MGAT4D: variants seen among roughly 807,000 people sequenced by gnomAD.
The protein encoded by MGAT4D is alpha-1,3-mannosyl-glycoprotein 4-beta-N-acetylglucosaminyltransferase-like protein MGAT4D.
MGAT4D carries 34 observed loss-of-function variants against 15.9 expected under a neutral mutation model. The observed-to-expected ratio is 2.14, with a 90% CI of 1.62 to 2.84. The LOEUF is 2.84. Ranked by LOEUF, MGAT4D falls within the 30% of genes most tolerant of loss-of-function variation. The pLI is 0.00. For synonymous variants in MGAT4D, 112 were observed against 48.2 expected (o/e 2.33, Z -5.49); for missense variants, 327 against 140.2 (o/e 2.33, Z -6.73).
rs948268625 is a variant in MGAT4D at position 140,498,140 on chromosome 4, A to T, written c.83T>A (p.Ile28Lys). 4.3e-6 allele frequency: 3 copies of T among 702,352 alleles called. No individual in the cohort carries two copies. Among genetic ancestry groups the T allele is most frequent in the East Asian group, 2.7e-5 (1 of 37,236 alleles). The allele number at this position is 702,352 out of a possible 1,614,324, so 43.5% of individuals were successfully genotyped here. ...GGCCCGCCGCTTACTGGTTTGAGTTATCCTGTAGATGGAGAAGCAAGAGAA... is the reference window on the plus strand; with the variant it reads ...GGCCCGCCGCTTACTGGTTTGAGTTTTCCTGTAGATGGAGAAGCAAGAGAA... ...FSFSCFSIYR[I>K]TQTNNQLINC... The change falls in exon 1 of 11, where the codon ATA becomes AAA. Residue 28 changes from isoleucine (I) to lysine (K), a missense_variant. By Grantham distance (102) the Ile-to-Lys change is moderately radical. Transcript: ENST00000511113.
intron 10 of MGAT4D, among the ~76,000 whole-genome samples, chr4:140,444,189 A>G (rs1729940073): frequency 6.6e-6 from 1 of 152,198 alleles, no homozygotes; most frequent in African/African-American, 2.4e-5. Context: ...GCATGACCTT[A>G]AGTAATAATT....
At chr4:140,478,878 C>T (rs1399516009) in intron 3 of MGAT4D, among the ~76,000 whole-genome samples, 1 of 151,682 alleles carries the variant, frequency 6.6e-6, no homozygotes, top group African/African-American at 2.4e-5. Context: ...CAGACATAGA[C>T]AACAAGTAAA....
chr4:140,458,387 C>T (rs1175765920), intron 8 of MGAT4D: 1 of 152,154 alleles, frequency 6.6e-6, no homozygotes, highest in Non-Finnish European at 1.5e-5. Flanking sequence ...ATCCACATGA[C>T]ATTTAACAAA....
intron 1 of MGAT4D, among the ~76,000 whole-genome samples, chr4:140,496,317 A>C (rs1270302388): frequency 6.6e-6 from 1 of 152,216 alleles, no homozygotes; most frequent in African/African-American, 2.4e-5. Context: ...AAATGAAAAA[A>C]TCTGATTTGT....
At position 140,461,969 on chromosome 4, in the gene MGAT4D, A is replaced by G. The variant is rs777685876; in HGVS notation, c.722T>C (p.Leu241Ser). The G allele has an allele frequency of 4.3e-6, 3 of 701,738 alleles. No individual in the cohort carries two copies. In the South Asian group the frequency reaches 4.5e-5, roughly 10 times the overall value. The allele number at this position is 701,738 out of a possible 1,614,324, so 43.5% of individuals were successfully genotyped here. The change falls in exon 7 of 11, where the codon TTG (leucine) becomes TCG (serine). Residue 241 changes from leucine to serine, a missense_variant. Transcript: ENST00000511113. Reference sequence around the variant, plus strand: ...GGCCTTGGGTTGGGCATACAGCAACAAAATGCAAAAATCCAATACCTGTTT... The same window carrying G: ...GGCCTTGGGTTGGGCATACAGCAACGAAATGCAAAAATCCAATACCTGTTT... ...RIKQVLDFCI[L>S]LLYAQPKAKY... is the part of the protein sequence containing the mutation.
At position 140,474,936 on chromosome 4, in the gene MGAT4D, C is replaced by T. The variant is rs1012594110; in HGVS notation, c.402G>A (p.Ala134=). ...CTCTGTTAACAGTGGAAATACCCAG[C>T]GCAAAAGAAACTGTGGACATAGGAG... ...IGKGKTGVSF[A]LGISTVNRGN... Residue 134 remains alanine (A), a synonymous_variant, in exon 4 of 11, where the codon GCG becomes GCA. Coordinates refer to ENST00000511113, the MANE Select transcript of MGAT4D (RefSeq NM_001277353.2). 3.1e-5 allele frequency: 21 copies of T among 682,380 alleles called. No individual in the cohort carries two copies. The Middle Eastern group carries it at 1.2e-3, about 38-fold the overall frequency. The allele number at this position is 682,380 out of a possible 1,614,324, so 42.3% of individuals were successfully genotyped here. A position where few individuals can be genotyped will look rare whatever the true frequency, so the allele number is the denominator to read the frequency against.
intron 1 of MGAT4D, among the ~76,000 whole-genome samples, chr4:140,493,645 A>G (rs1333763701): frequency 6.6e-6 from 1 of 152,038 alleles, no homozygotes; most frequent in Non-Finnish European, 1.5e-5. Flanking sequence ...GGATGTCCCT[A>G]TATAAGATGC....
At chr4:140,497,641 T>C (rs1733923236) in intron 1 of MGAT4D, among the ~76,000 whole-genome samples, 1 of 152,134 alleles carries the variant, frequency 6.6e-6, no homozygotes, top group Non-Finnish European at 1.5e-5. Flanking sequence ...TACCACCTCT[T>C]TTCAGGTACG....
In MGAT4D at chr4:140,470,998, C is replaced by T. The variant is rs537780495; in HGVS notation, c.572+777G>A. On this transcript the variant is annotated intron_variant, in intron 5 of 10. Transcript: ENST00000511113. The stretch of plus-strand genomic sequence containing the variant: ...CTCCCAGGCACTGGCAATCCTTCCA[C>T]TTCAGCCTCCCTAGTAGCTAGGACT... 2.6e-5 allele frequency among the ~76,000 whole-genome samples: 4 copies of T among 152,042 alleles called. No individual in the cohort carries two copies. In the South Asian group the frequency reaches 8.3e-4, roughly 32 times the overall value.
At chr4:140,444,801 T>G (rs1257795828) in intron 10 of MGAT4D, among the ~76,000 whole-genome samples, 1 of 152,204 alleles carries the variant, frequency 6.6e-6, no homozygotes, top group African/African-American at 2.4e-5. Flanking sequence ...CTGCTTTCCA[T>G]GATGATTGAA....
intron 8 of MGAT4D, chr4:140,458,152 G>T (rs770431223): frequency 2.0e-5 from 3 of 152,142 alleles, no homozygotes; most frequent in Non-Finnish European, 4.4e-5. Context: ...ATCCTCAGTG[G>T]TCCACTCTAG....
At chr4:140,495,769 C>G (rs146647741) in intron 1 of MGAT4D, among the ~76,000 whole-genome samples, 5 of 152,030 alleles carry the variant, frequency 3.3e-5, no homozygotes, top group East Asian at 1.9e-4. Flanking sequence ...TGGAGTCTTG[C>G]TCTGTCACCC....
chr4:140,454,690 G>T (rs897116843), intron 9 of MGAT4D, among the ~76,000 whole-genome samples: 6 of 152,034 alleles, frequency 3.9e-5, no homozygotes, highest in Non-Finnish European at 8.8e-5. Flanking sequence ...TTTCATCTCT[G>T]TTTAGTAGAA....
rs145239586 is a variant in MGAT4D at position 140,466,082 on chromosome 4, C to T, written c.573-1073G>A. ...AGCAAAACATGTGGTTGTCTTGCCTCGCCTCCCAGTGATAAGCCTACATGA... is the reference window on the plus strand; with the variant it reads ...AGCAAAACATGTGGTTGTCTTGCCTTGCCTCCCAGTGATAAGCCTACATGA... On this transcript the variant is annotated intron_variant, in intron 5 of 10. Transcript: ENST00000511113. Among the ~76,000 whole-genome samples, 147 of 152,246 alleles carry T rather than the reference C, an allele frequency of 9.7e-4. 1 individual carries two copies. The highest frequency in any genetic ancestry group is 3.3e-3 in the African/African-American group (137 of 41,552).
intron 1 of MGAT4D, among the ~76,000 whole-genome samples, chr4:140,485,834 A>G: frequency 7.0e-6 from 1 of 142,770 alleles, no homozygotes; most frequent in Non-Finnish European, 1.5e-5. Flanking sequence ...AAAAAAAAAA[A>G]AAAAAAAAAA....
At chr4:140,479,757 T>C (rs1195917500) in intron 2 of MGAT4D, 130 bp from the exon 3 acceptor site, 2 of 303,698 alleles carry the variant, frequency 6.6e-6, no homozygotes, top group Non-Finnish European at 1.2e-5. Flanking sequence ...AGAAATACTC[T>C]AAAATGTAAA....
intron 9 of MGAT4D, among the ~76,000 whole-genome samples, chr4:140,456,145 A>G (rs1309584730): frequency 6.6e-6 from 1 of 152,116 alleles, no homozygotes; most frequent in Non-Finnish European, 1.5e-5. Flanking sequence ...AAATAAATAA[A>G]TAGCTACTAC....
At chr4:140,449,240 G>C (rs1730316828) in intron 10 of MGAT4D, among the ~76,000 whole-genome samples, 1 of 152,036 alleles carries the variant, frequency 6.6e-6, no homozygotes, top group South Asian at 2.1e-4. Context: ...AAAGAAATTT[G>C]TATGTTTATC....
chr4:140,455,290 A>G (rs891851636), intron 9 of MGAT4D, among the ~76,000 whole-genome samples: 7 of 152,178 alleles, frequency 4.6e-5, no homozygotes, highest in African/African-American at 1.7e-4. Flanking sequence ...TTCATTTCAA[A>G]GAGTTGTCTA....
Sources: allele counts gnomAD v4.1 joint callset (sites outside exome capture counted in the v4.1 genomes callset), GRCh38; gene constraint gnomAD v4.1.1; transcripts MANE v1.5; gene names NCBI Gene and HGNC (gene_info 2026-07-23, HGNC 2026-07-21).